Variants in TRPC5 observed in about 807,000 individuals in gnomAD.
TRPC5 encodes the protein short transient receptor potential channel 5.
In TRPC5, 9 loss-of-function variants were observed where a neutral mutation model predicts 56.5. The ratio of observed to expected loss-of-function variants is 0.16; its 90% confidence interval spans 0.10 to 0.28. The LOEUF (loss-of-function observed/expected upper bound fraction) is 0.28. TRPC5 is among the 10% of genes least tolerant of loss of function. The pLI, the probability that TRPC5 is intolerant of heterozygous loss-of-function variation, is 1.00. For missense variants in TRPC5, 469 were observed against 748.9 expected (o/e 0.63, Z 4.36); for synonymous variants, 282 against 278.5 (o/e 1.01, Z -0.13).
At chrX:111,882,037 T>C (rs1198803167) in intron 3 of TRPC5, 1 of 109,116 alleles carries the variant, frequency 9.2e-6, no homozygotes, top group Non-Finnish European at 1.9e-5. Context: ...AGATCTCTCT[T>C]CTAAACTGCC....
At chrX:111,793,657 T>A (rs1946039751) in intron 7 of TRPC5, among the ~76,000 whole-genome samples, 1 of 111,889 alleles carries the variant, frequency 8.9e-6, no homozygotes, top group Admixed American at 9.5e-5. Flanking sequence ...ACTCAAATTG[T>A]TAAACATAGA....
At chrX:112,043,570 G>C (rs1482995560) in intron 1 of TRPC5, among the ~76,000 whole-genome samples, 9 of 99,335 alleles carry the variant, frequency 9.1e-5, no homozygotes, top group African/African-American at 3.0e-4. Context: ...CATTCTGATA[G>C]AAAAAAAAGT....
At chrX:111,994,781 T>C (rs2036845267) in intron 1 of TRPC5, among the ~76,000 whole-genome samples, 2 of 111,930 alleles carry the variant, frequency 1.8e-5, no homozygotes, top group South Asian at 3.8e-4. Flanking sequence ...TGAAGTTGCT[T>C]ATCAGCTTAA....
chrX:112,014,778 A>T (rs1057212890), intron 1 of TRPC5, among the ~76,000 whole-genome samples: 3 of 111,733 alleles, frequency 2.7e-5, no homozygotes, highest in Non-Finnish European at 5.6e-5. Context: ...AAGGTAAAAG[A>T]TCTCCAGATG....
intron 3 of TRPC5, chrX:111,882,049 A>G (rs1243155978): frequency 2.8e-5 from 3 of 108,463 alleles, no homozygotes; most frequent in African/African-American, 1.0e-4. Context: ...TAAACTGCCA[A>G]TTGCACATTA....
At chrX:112,065,955 G>C (rs954922870) in intron 1 of TRPC5, among the ~76,000 whole-genome samples, 4 of 109,056 alleles carry the variant, frequency 3.7e-5, no homozygotes, top group Non-Finnish European at 5.7e-5. Flanking sequence ...TTCCTGCCTA[G>C]CTCTCCAAAG....
At chrX:111,989,123 A>G (rs1195247523) in intron 1 of TRPC5, among the ~76,000 whole-genome samples, 2 of 111,522 alleles carry the variant, frequency 1.8e-5, no homozygotes, top group Non-Finnish European at 3.8e-5. Flanking sequence ...CATTTTCCAT[A>G]ATGACTTTGT....
At chrX:112,006,486 G>A (rs1262258711) in intron 1 of TRPC5, among the ~76,000 whole-genome samples, 3 of 111,188 alleles carry the variant, frequency 2.7e-5, no homozygotes, top group Non-Finnish European at 3.8e-5. Context: ...TACAGATGAG[G>A]AAACTGAGGT....
At chrX:112,041,554 G>A in intron 1 of TRPC5, among the ~76,000 whole-genome samples, 1 of 111,630 alleles carries the variant, frequency 9.0e-6, no homozygotes, top group Non-Finnish European at 1.9e-5. Flanking sequence ...CACAGTTAAT[G>A]GTGAGCAGAC....
At chrX:112,010,289 C>G (rs1412094396) in intron 1 of TRPC5, among the ~76,000 whole-genome samples, 1 of 112,223 alleles carries the variant, frequency 8.9e-6, no homozygotes. Flanking sequence ...TCCTAGCTCT[C>G]CCACTTAGCA....
At chrX:112,051,837 G>T (rs770351727) in intron 1 of TRPC5, among the ~76,000 whole-genome samples, 1 of 111,612 alleles carries the variant, frequency 9.0e-6, no homozygotes, top group Admixed American at 9.5e-5. Flanking sequence ...TATGAATTTG[G>T]CAACACTGGG....
chrX:111,926,835 C>A (rs974400781), intron 2 of TRPC5, among the ~76,000 whole-genome samples: 4 of 112,077 alleles, frequency 3.6e-5, no homozygotes, highest in Admixed American at 9.5e-5. Context: ...GTTAAACAAG[C>A]ATGCTATACA....
At chrX:111,994,748 G>A (rs564191482) in intron 1 of TRPC5, among the ~76,000 whole-genome samples, 2 of 111,531 alleles carry the variant, frequency 1.8e-5, no homozygotes, top group East Asian at 5.6e-4. Context: ...TTTGCACACT[G>A]ATTTTGTATC....
intron 3 of TRPC5, among the ~76,000 whole-genome samples, chrX:111,880,393 A>T (rs1924154185): frequency 8.9e-6 from 1 of 112,577 alleles, no homozygotes. Flanking sequence ...TGGTGCCCAG[A>T]TCAGTTCTTT....
intron 1 of TRPC5, among the ~76,000 whole-genome samples, chrX:112,047,902 A>C (rs1222613827): frequency 8.9e-6 from 1 of 112,185 alleles, no homozygotes; most frequent in African/African-American, 3.2e-5. Flanking sequence ...ATCTCTACAA[A>C]TATACATGAA....
rs3027766 is a variant in TRPC5 at position 111,769,068 on chromosome X, G to A, written c.*7245C>T. ...CAAATGACCTGAACACATTCAGCTA[G>A]CTAGCTGCCATCTTCCTATTAGAGT... On this transcript the variant is annotated 3_prime_UTR_variant, in exon 11 of 11. Transcript: ENST00000262839. Among the ~76,000 whole-genome samples the A allele has an allele frequency of 1.8e-5, 2 of 111,610 alleles. No homozygotes were observed. The highest frequency in any genetic ancestry group is 3.8e-5 in the Non-Finnish European group (2 of 53,040).
chrX:112,001,008 G>A (rs999824566), intron 1 of TRPC5, among the ~76,000 whole-genome samples: 2 of 111,994 alleles, frequency 1.8e-5, no homozygotes, highest in Non-Finnish European at 3.8e-5. Flanking sequence ...AATAATATTG[G>A]ACATTTTAGA....
rs1945841820 is a variant in TRPC5, at chrX:111,771,247, CTA to C, written c.*5064_*5065del. Among the ~76,000 whole-genome samples, 1 of 111,898 alleles carries C rather than the reference CTA, an allele frequency of 8.9e-6. No individual in the cohort carries two copies. Among genetic ancestry groups the C allele is most frequent in the Non-Finnish European group, 1.9e-5 (1 of 53,233 alleles). The stretch of plus-strand genomic sequence containing the variant: ...TTATTTGTGTAGTAACAGGAAGCCT[CTA>C]GAGCTTTCACATCTTTTCACATCAT... On this transcript the variant is annotated 3_prime_UTR_variant, in exon 11 of 11. Coordinates refer to ENST00000262839, the MANE Select transcript of TRPC5 (RefSeq NM_012471.3).
chrX:112,010,379 G>A lies in TRPC5; in HGVS notation c.-21-57938C>T, dbSNP rs188200584. On this transcript the variant is annotated intron_variant, in intron 1 of 10. Coordinates refer to ENST00000262839, the MANE Select transcript of TRPC5 (RefSeq NM_012471.3). ...TGTAAAATGGGCTTAATAACTGTACGTACAGCCATGCATTTCTTAATGACA... is the reference window on the plus strand; with the variant it reads ...TGTAAAATGGGCTTAATAACTGTACATACAGCCATGCATTTCTTAATGACA... Among the ~76,000 whole-genome samples the A allele has an allele frequency of 5.2e-4, 58 of 111,855 alleles. 1 individual carries two copies. In the East Asian group the frequency reaches 0.015, roughly 28 times the overall value.
Sources: allele counts gnomAD v4.1 joint callset (sites outside exome capture counted in the v4.1 genomes callset), GRCh38; gene constraint gnomAD v4.1.1; transcripts MANE v1.5; gene names NCBI Gene and HGNC (gene_info 2026-07-23, HGNC 2026-07-21).